Variants in ULK4 observed in about 807,000 individuals in gnomAD.
ULK4 encodes unc-51 like kinase 4, also known as inactive serine/threonine-protein kinase ULK4.
A neutral mutation model predicts 160.6 loss-of-function variants in ULK4; 133 were observed. That is an observed-to-expected ratio of 0.83 (90% confidence interval 0.72 to 0.96). The LOEUF (loss-of-function observed/expected upper bound fraction) is 0.96, where lower values mean the gene tolerates loss of function less well. Among genes scored for constraint, ULK4 ranks in the 40% least tolerant of loss-of-function variants. The pLI is 0.00. For synonymous variants in ULK4, 534 were observed against 539.8 expected, an observed-to-expected ratio of 0.99 and a Z score of 0.15; for missense variants, 1,580 against 1,499.5, an observed-to-expected ratio of 1.05 and a Z score of -0.89.
chr3:41,638,083 AGTTC>A (rs1376134094), intron 30 of ULK4, among the ~76,000 whole-genome samples: 1 of 152,050 alleles, frequency 6.6e-6, no homozygotes, highest in Non-Finnish European at 1.5e-5. Flanking sequence ...CTTTGCTTTG[AGTTC>A]AAAGATATAC....
chr3:41,422,993 T>C (rs1169265860), intron 34 of ULK4, among the ~76,000 whole-genome samples: 1 of 152,132 alleles, frequency 6.6e-6, no homozygotes, highest in East Asian at 1.9e-4. Context: ...TACCATGCTA[T>C]TAAAAAGAAT....
intron 8 of ULK4, chr3:41,913,351 G>A (rs7612517): frequency 0.056 from 8,386 of 151,008 alleles, 419 homozygotes; most frequent in East Asian, 0.17. Flanking sequence ...TCAGCCTCCC[G>A]AGTGGCTGGG....
chr3:41,523,184 C>T (rs370895017), intron 32 of ULK4, among the ~76,000 whole-genome samples: 11 of 152,194 alleles, frequency 7.2e-5, no homozygotes, highest in African/African-American at 2.4e-4. Context: ...GCTAGGATTA[C>T]AGGCATGAGC....
chr3:41,643,017 C>T lies in ULK4; in HGVS notation c.3071+20590G>A, dbSNP rs570911020. Among the ~76,000 whole-genome samples the T allele has an allele frequency of 2.6e-3, 399 of 152,222 alleles. 2 individuals carry two copies. The highest frequency in any genetic ancestry group is 8.2e-3 in the African/African-American group (342 of 41,530). On this transcript the variant is annotated intron_variant, in intron 30 of 36. Coordinates refer to ENST00000301831, the MANE Select transcript of ULK4 (RefSeq NM_017886.4). ...TTGAGAAGTGTCTGTTCATATCCTT[C>T]GCCCAGTTTTTGATGGGGTTGTTTG...
chr3:41,480,339 A>G (rs923902344), intron 32 of ULK4, among the ~76,000 whole-genome samples: 3 of 152,116 alleles, frequency 2.0e-5, no homozygotes, highest in Non-Finnish European at 2.9e-5. Context: ...ATACACAGAT[A>G]TATTACACAT....
chr3:41,914,376 T>C (rs558305715), intron 8 of ULK4, among the ~76,000 whole-genome samples: 38 of 152,372 alleles, frequency 2.5e-4, no homozygotes, highest in African/African-American at 8.2e-4. Flanking sequence ...AAGTAAAATG[T>C]ATTTTCATCC....
intron 30 of ULK4, among the ~76,000 whole-genome samples, chr3:41,637,466 A>G (rs2034005815): frequency 2.0e-5 from 3 of 152,168 alleles, no homozygotes; most frequent in Non-Finnish European, 4.4e-5. Context: ...GGTTGATTCC[A>G]TATTTTGGCT....
chr3:41,855,754 A>C (rs2042321452), intron 17 of ULK4, among the ~76,000 whole-genome samples: 1 of 152,172 alleles, frequency 6.6e-6, no homozygotes, highest in African/African-American at 2.4e-5. Flanking sequence ...GTTGTGTTTT[A>C]TGCAATTCTT....
intron 35 of ULK4, among the ~76,000 whole-genome samples, chr3:41,341,746 G>A (rs1321615561): frequency 6.6e-6 from 1 of 152,152 alleles, no homozygotes; most frequent in Non-Finnish European, 1.5e-5. Flanking sequence ...AAACCAGAAA[G>A]CCCTGCTAAG....
intron 25 of ULK4, among the ~76,000 whole-genome samples, chr3:41,709,057 A>G (rs1324595002): frequency 6.6e-6 from 1 of 152,232 alleles, no homozygotes; most frequent in Non-Finnish European, 1.5e-5. Flanking sequence ...TACAATACAA[A>G]TGCATCTATA....
intron 12 of ULK4, among the ~76,000 whole-genome samples, chr3:41,901,172 C>CTTT (rs201425733): frequency 3.3e-3 from 400 of 119,856 alleles, no homozygotes; most frequent in African/African-American, 0.013. Context: ...AGCATGGCTT[C>CTTT]TTTTTTTTTT....
At chr3:41,954,888 T>C (rs1390867483) in intron 1 of ULK4, 81 bp from the exon 2 acceptor site, 4 of 877,240 alleles carry the variant, frequency 4.6e-6, no homozygotes, top group African/African-American at 3.3e-5. Context: ...GCCTAGGATA[T>C]TATATGTGTA....
chr3:41,726,203 C>T (rs72864519), intron 22 of ULK4, among the ~76,000 whole-genome samples: 2,278 of 152,268 alleles, frequency 0.015, 58 homozygotes, highest in African/African-American at 0.052. Flanking sequence ...CATTTTCAAA[C>T]ACTAGTACAG....
intron 2 of ULK4, among the ~76,000 whole-genome samples, chr3:41,953,372 G>A (rs1041620787): frequency 6.8e-6 from 1 of 146,284 alleles, no homozygotes; most frequent in Admixed American, 7.0e-5. Flanking sequence ...GCATGATCCC[G>A]GCTTACTGCA....
At chr3:41,448,208 CA>C (rs1233457167) in intron 34 of ULK4, among the ~76,000 whole-genome samples, 1 of 152,058 alleles carries the variant, frequency 6.6e-6, no homozygotes, top group East Asian at 1.9e-4. Flanking sequence ...TACCAGGTAA[CA>C]GGAAGTGTTA....
chr3:41,700,668 C>G (rs138324742), intron 27 of ULK4, among the ~76,000 whole-genome samples: 2 of 152,054 alleles, frequency 1.3e-5, no homozygotes, highest in Non-Finnish European at 2.9e-5. Context: ...GGACAATGAC[C>G]AGCAAGGATA....
At chr3:41,900,647 T>C (rs1698318429) in intron 13 of ULK4, 78 bp downstream of exon 13, 1 of 1,136,404 alleles carries the variant, frequency 8.8e-7, no homozygotes, top group Non-Finnish European at 1.3e-6. Flanking sequence ...CAGTAAATAA[T>C]ATTCTGAATG....
chr3:41,880,952 T>C lies in ULK4; in HGVS notation c.1656+2922A>G, dbSNP rs1697495548. ...AAATAAATAAGTAAGTAAAATAAAA[T>C]AAGATGCTTATAGGGTCTGCAACCA... On this transcript the variant is annotated intron_variant, in intron 17 of 36. Coordinates refer to ENST00000301831, the MANE Select transcript of ULK4 (RefSeq NM_017886.4). 1.3e-5 allele frequency among the ~76,000 whole-genome samples: 2 copies of C among 152,020 alleles called. 1 individual carries two copies. The highest frequency in any genetic ancestry group is 4.1e-4 in the South Asian group (2 of 4,824).
rs2086958031 is a variant in ULK4 at position 41,548,760 on chromosome 3, C to G, written c.3226+17265G>C. 2.0e-5 allele frequency among the ~76,000 whole-genome samples: 3 copies of G among 151,606 alleles called. No homozygotes were observed. In the South Asian group the frequency reaches 6.3e-4, roughly 32 times the overall value. On this transcript the variant is annotated intron_variant, in intron 32 of 36. Coordinates refer to ENST00000301831, the MANE Select transcript of ULK4 (RefSeq NM_017886.4). ...TACAGTCACTAATACTGGTGCCCAC[C>G]TATACCATCCAGGGACCCAAAGACA...
Sources: gnomAD v4.1 joint callset for allele counts (sites outside exome capture counted in the v4.1 genomes callset) on GRCh38, gnomAD v4.1.1 for gene constraint, MANE v1.5 for transcripts, NCBI Gene and HGNC (gene_info 2026-07-23, HGNC 2026-07-21) for gene names.